Variants in PLEKHM3 observed in about 807,000 individuals in gnomAD.
PLEKHM3 encodes pleckstrin homology domain-containing family M member 3.
A neutral mutation model predicts 81.8 loss-of-function variants in PLEKHM3; 45 were observed. That is an observed-to-expected ratio of 0.55 (90% CI 0.43 to 0.71). The LOEUF is 0.71. PLEKHM3 is among the 30% of genes least tolerant of loss of function. PLEKHM3 has a pLI of 0.00. For missense variants in PLEKHM3, 788 were observed against 924.3 expected, an observed-to-expected ratio of 0.85 and a Z score of 1.91; for synonymous variants, 352 against 356.4, an observed-to-expected ratio of 0.99 and a Z score of 0.14.
intron 3 of PLEKHM3, among the ~76,000 whole-genome samples, chr2:207,966,182 C>A (rs1690901886): frequency 6.6e-6 from 1 of 152,228 alleles, no homozygotes; most frequent in East Asian, 1.9e-4. Context: ...GTGCTTAGCA[C>A]ATAGTAAGGC....
chr2:208,006,216 G>A (rs183679219), intron 1 of PLEKHM3, among the ~76,000 whole-genome samples: 113 of 152,256 alleles, frequency 7.4e-4, no homozygotes, highest in African/African-American at 2.7e-3. Flanking sequence ...ATTCACTACA[G>A]TACAACAGTC....
chr2:207,897,754 A>G (rs1296334089), intron 6 of PLEKHM3, among the ~76,000 whole-genome samples: 1 of 152,186 alleles, frequency 6.6e-6, no homozygotes, highest in Non-Finnish European at 1.5e-5. Context: ...CTGGCCTCCT[A>G]AAAGCTCCTG....
chr2:207,928,572 A>C (rs1689484068), intron 5 of PLEKHM3, among the ~76,000 whole-genome samples: 1 of 152,282 alleles, frequency 6.6e-6, no homozygotes, highest in Non-Finnish European at 1.5e-5. Context: ...TAATTCCCAC[A>C]AGGGAATGCC....
At chr2:207,981,843 A>G (rs1691535534) in intron 2 of PLEKHM3, among the ~76,000 whole-genome samples, 1 of 152,266 alleles carries the variant, frequency 6.6e-6, no homozygotes, top group South Asian at 2.1e-4. Flanking sequence ...CTAATTTGAT[A>G]AATGAATAAT....
At chr2:208,015,697 C>T (rs1366583917) in intron 1 of PLEKHM3, among the ~76,000 whole-genome samples, 2 of 152,214 alleles carry the variant, frequency 1.3e-5, no homozygotes, top group Non-Finnish European at 2.9e-5. Context: ...CAAATGTTTA[C>T]ATAGTCCTAA....
At chr2:207,925,968 T>C (rs541799322) in intron 5 of PLEKHM3, among the ~76,000 whole-genome samples, 7 of 152,106 alleles carry the variant, frequency 4.6e-5, no homozygotes, top group Admixed American at 1.3e-4. Context: ...ATCTAGTATC[T>C]GAGACATCGA....
rs761773187 is a variant in PLEKHM3 at position 207,931,114 on chromosome 2, C to G, written c.1698G>C (p.Ser566=). 4 of 1,608,748 alleles carry G rather than the reference C, an allele frequency of 2.5e-6. No individual in the cohort carries two copies. The South Asian group carries it at 3.3e-5, about 13-fold the overall frequency. ...HNWDTSKYKV[S]KQAKEFLEYV... ...ACTCCAGAAACTCCTTGGCCTGCTT[C>G]GACACCTACAAAACAAGCGTCGTCA... The change falls in exon 5 of 8, where the codon TCG becomes TCC. Residue 566 remains serine, a synonymous_variant. Coordinates refer to ENST00000427836, the MANE Select transcript of PLEKHM3 (RefSeq NM_001080475.3).
At chr2:207,923,967 G>A (rs1689297213) in intron 5 of PLEKHM3, among the ~76,000 whole-genome samples, 1 of 138,544 alleles carries the variant, frequency 7.2e-6, no homozygotes, top group Non-Finnish European at 1.5e-5. Flanking sequence ...GGAGTGCAGT[G>A]GCGCAATCTG....
chr2:207,858,158 G>A (rs2092446229), intron 7 of PLEKHM3, among the ~76,000 whole-genome samples: 1 of 99,924 alleles, frequency 1.0e-5, no homozygotes, highest in Non-Finnish European at 2.2e-5. Context: ...GTGTGTGTGT[G>A]TGTGTGTGTG....
At chr2:208,000,994 A>G in intron 2 of PLEKHM3, 36 bp downstream of exon 2, 1 of 1,454,280 alleles carries the variant, frequency 6.9e-7, no homozygotes, top group Non-Finnish European at 9.1e-7. Context: ...AAAAGAAAAA[A>G]AAAAAAAAGG....
In PLEKHM3 at chr2:207,964,137, A is replaced by G. The variant is rs1690832786; in HGVS notation, c.1546+12514T>C. On this transcript the variant is annotated intron_variant, in intron 3 of 7. Transcript: ENST00000427836. ...TGAGGCAGGAGAATCACTTGAACCC[A>G]GGAGGCGGAGGTTGCAGTGAGCTGA... Among the ~76,000 whole-genome samples, 3 of 152,080 alleles carry G rather than the reference A, an allele frequency of 2.0e-5. No homozygotes were observed. In the South Asian group the frequency reaches 6.2e-4, roughly 32 times the overall value.
intron 6 of PLEKHM3, among the ~76,000 whole-genome samples, chr2:207,882,394 C>T (rs1234264538): frequency 1.3e-5 from 2 of 151,528 alleles, no homozygotes; most frequent in African/African-American, 2.4e-5. Context: ...GGTGGATCAC[C>T]TGAGGTCAGG....
At chr2:208,016,553 G>A (rs555701516) in intron 1 of PLEKHM3, among the ~76,000 whole-genome samples, 6 of 151,452 alleles carry the variant, frequency 4.0e-5, no homozygotes, top group Non-Finnish European at 5.9e-5. Flanking sequence ...GGAGGCTGAG[G>A]TGGGAGAACT....
chr2:207,910,241 T>C (rs1018977393), intron 5 of PLEKHM3, among the ~76,000 whole-genome samples: 3 of 152,176 alleles, frequency 2.0e-5, no homozygotes, highest in Non-Finnish European at 4.4e-5. Context: ...GGAAAAGTAC[T>C]CAATTCCTCC....
At chr2:207,857,878 T>C in intron 7 of PLEKHM3, among the ~76,000 whole-genome samples, 1 of 151,614 alleles carries the variant, frequency 6.6e-6, no homozygotes, top group East Asian at 1.9e-4. Flanking sequence ...TGGATTTAGT[T>C]TGCTCTTTTT....
rs1033502809 is a variant in PLEKHM3 at position 207,929,802 on chromosome 2, A to C, written c.1886+1124T>G. 1.5e-5 allele frequency: 9 copies of C among 591,076 alleles called. No homozygotes were observed. In the African/African-American group the frequency reaches 1.7e-4, roughly 11 times the overall value. 36.6% of individuals were successfully genotyped at this position (591,076 alleles called of 1,614,324 possible). The stretch of plus-strand genomic sequence containing the variant: ...CTATCTACATTTAGTTCTTTTTTAG[A>C]TGCCCGGGGTTATGTCAGTTTCTTT... On this transcript the variant is annotated intron_variant, in intron 5 of 7. Coordinates refer to ENST00000427836, the MANE Select transcript of PLEKHM3 (RefSeq NM_001080475.3).
At position 207,821,646 on chromosome 2, in the gene PLEKHM3, A is replaced by G. The variant is rs913008256; in HGVS notation, c.*6673T>C. On this transcript the variant is annotated 3_prime_UTR_variant, in exon 8 of 8. Transcript: ENST00000427836. ...AAAAATGGCATAGACCTGACCCAGG[A>G]GCTACAGAACAAGTTTTGCAGAAGT... is the stretch of plus-strand genomic sequence containing the variant. The G allele has an allele frequency of 6.6e-6, 1 of 152,172 alleles. No homozygotes were observed. The highest frequency in any genetic ancestry group is 2.4e-5 in the African/African-American group (1 of 41,428). The allele number at this position is 152,172 out of a possible 1,614,324, so 9.4% of individuals were successfully genotyped here.
intron 2 of PLEKHM3, among the ~76,000 whole-genome samples, chr2:207,988,760 T>C (rs1350295489): frequency 1.3e-5 from 2 of 152,332 alleles, no homozygotes; most frequent in East Asian, 3.9e-4. Context: ...TTACAACGCC[T>C]CTTCTTCCTG....
chr2:207,896,685 A>G (rs1688234159), intron 6 of PLEKHM3, among the ~76,000 whole-genome samples: 1 of 152,212 alleles, frequency 6.6e-6, no homozygotes, highest in Non-Finnish European at 1.5e-5. Flanking sequence ...CATTCACAGC[A>G]GGGCCTCTCC....
Sources: gnomAD v4.1 joint callset for allele counts (sites outside exome capture counted in the v4.1 genomes callset) on GRCh38, gnomAD v4.1.1 for gene constraint, MANE v1.5 for transcripts, NCBI Gene and HGNC (gene_info 2026-07-23, HGNC 2026-07-21) for gene names.